RALGAPA1: variants seen among roughly 807,000 people sequenced by gnomAD.
The protein encoded by RALGAPA1 is Ral GTPase activating protein catalytic subunit alpha 1, also known as ral GTPase-activating protein subunit alpha-1.
RALGAPA1 carries 52 observed loss-of-function variants against 269.6 expected under a neutral mutation model. The observed-to-expected ratio is 0.19, with a 90% CI of 0.15 to 0.24. The LOEUF is 0.24. RALGAPA1 is among the 10% of genes least tolerant of loss of function. The probability of loss-of-function intolerance (pLI) is 1.00; values close to 1 mark genes in which losing one functional copy is unlikely to be tolerated. For synonymous variants in RALGAPA1, 817 were observed against 1,008.3 expected, an observed-to-expected ratio of 0.81 and a Z score of 3.60; for missense variants, 1,917 against 3,013.9, an observed-to-expected ratio of 0.64 and a Z score of 8.52.
At chr14:35,779,075 ATATT>A (rs2075257510) in intron 1 of RALGAPA1, among the ~76,000 whole-genome samples, 1 of 152,198 alleles carries the variant, frequency 6.6e-6, no homozygotes, top group Admixed American at 6.6e-5. Flanking sequence ...AGAATACTAA[ATATT>A]TATCTATTAT....
intron 27 of RALGAPA1, among the ~76,000 whole-genome samples, chr14:35,659,769 G>A (rs184781165): frequency 2.0e-5 from 3 of 151,964 alleles, no homozygotes; most frequent in Non-Finnish European, 4.4e-5. Context: ...CATTAAAAAG[G>A]TCACATGCCA....
At chr14:35,769,132 G>GA (rs1175359112) in intron 4 of RALGAPA1, among the ~76,000 whole-genome samples, 1 of 126,694 alleles carries the variant, frequency 7.9e-6, no homozygotes, top group Non-Finnish European at 1.7e-5. Flanking sequence ...AAAGTATAAA[G>GA]AAAATCAATG....
chr14:35,793,462 G>T (rs1474843011), intron 1 of RALGAPA1, among the ~76,000 whole-genome samples: 3 of 151,950 alleles, frequency 2.0e-5, no homozygotes, highest in South Asian at 4.1e-4. Context: ...TCGAACTCCT[G>T]ACCTCAGCTG....
chr14:35,808,599 G>C (rs1302010276), intron 1 of RALGAPA1, 131 bp downstream of exon 1: 1 of 896,242 alleles, frequency 1.1e-6, no homozygotes. Context: ...TCACCCTCCC[G>C]CGTCTCCGCA....
At position 35,688,532 on chromosome 14, in the gene RALGAPA1, G is replaced by T; in HGVS notation, c.3879C>A (p.Asn1293Lys). 1 of 1,536,090 alleles carries T rather than the reference G, an allele frequency of 6.5e-7. No individual in the cohort carries two copies. Among genetic ancestry groups the T allele is most frequent in the South Asian group, 1.2e-5 (1 of 84,064 alleles). The change falls in exon 18 of 42, where the codon AAC becomes AAA. Residue 1293 changes from asparagine (N) to lysine (K), a missense_variant. Physicochemically the swap from Asn to Lys is moderately conservative, Grantham distance 94 (BLOSUM62 0). This residue lies in a region of RALGAPA1 where 615 missense variants were observed against 790.0 expected (regional missense o/e 0.78). Coordinates refer to ENST00000680220, the MANE Select transcript of RALGAPA1 (RefSeq NM_001346249.2). Reference sequence around the variant, plus strand: ...TCAGTGGAGCCTCTGGTGGCATTCTGTTCTGCCTCTGTGGGGAAACATTTG... The same window carrying T: ...TCAGTGGAGCCTCTGGTGGCATTCTTTTCTGCCTCTGTGGGGAAACATTTG... ...PKANVSPQRQ[N>K]RMPPEAPLRD...
chr14:35,608,847 C>A (rs1400775153), intron 35 of RALGAPA1, among the ~76,000 whole-genome samples: 2 of 152,120 alleles, frequency 1.3e-5, no homozygotes, highest in African/African-American at 4.8e-5. Context: ...CCGGACCTAC[C>A]TGACATCTAC....
At chr14:35,609,221 C>T (rs951679147) in intron 35 of RALGAPA1, among the ~76,000 whole-genome samples, 6 of 148,730 alleles carry the variant, frequency 4.0e-5, no homozygotes, top group South Asian at 2.1e-4. Flanking sequence ...AGCGACACTC[C>T]GTCTCAAAAA....
At chr14:35,570,068 G>A (rs2057052892) in intron 39 of RALGAPA1, among the ~76,000 whole-genome samples, 1 of 151,624 alleles carries the variant, frequency 6.6e-6, no homozygotes, top group African/African-American at 2.4e-5. Flanking sequence ...TCAGGAGTTC[G>A]AGACCAGCCT....
intron 1 of RALGAPA1, among the ~76,000 whole-genome samples, chr14:35,797,351 C>CAAAAAAAAAAAAAAAAAAAA (rs530576211): frequency 2.7e-4 from 16 of 60,088 alleles, no homozygotes; most frequent in African/African-American, 4.6e-4. Flanking sequence ...GACTCCGTCT[C>CAAAAAAAAAAAAAAAAAAAA]AAAAAAAAAA....
intron 28 of RALGAPA1, among the ~76,000 whole-genome samples, chr14:35,657,379 G>A (rs1042412269): frequency 1.3e-5 from 2 of 149,842 alleles, no homozygotes; most frequent in African/African-American, 2.5e-5. Context: ...TAGTAGAGAC[G>A]TGGTTTCACC....
chr14:35,808,749 C>T lies in RALGAPA1; in HGVS notation c.87G>A (p.Lys29=). Reference sequence around the variant, plus strand: ...CCTCACCGATGACGATGCGCAGGTGCTTGAGGCGAGTCAGTGCGTCCTTCT... The same window carrying T: ...CCTCACCGATGACGATGCGCAGGTGTTTGAGGCGAGTCAGTGCGTCCTTCT... The part of the protein sequence containing the change: ...DTKKDALTRL[K]HLRIVIENAE... The change falls in exon 1 of 42, where the codon AAG becomes AAA. Residue 29 remains lysine (K), a synonymous_variant. Transcript: ENST00000680220. 1 of 1,613,172 alleles carries T rather than the reference C, an allele frequency of 6.2e-7. No individual in the cohort carries two copies. The highest frequency in any genetic ancestry group is 1.7e-4 in the Middle Eastern group (1 of 6,052).
chr14:35,790,462 C>T (rs143929376), intron 1 of RALGAPA1, among the ~76,000 whole-genome samples: 6,134 of 151,344 alleles, frequency 0.041, 359 homozygotes, highest in African/African-American at 0.12. Context: ...CCAAGGCGGG[C>T]GGATCACTTG....
intron 1 of RALGAPA1, among the ~76,000 whole-genome samples, chr14:35,780,922 T>C (rs2075379995): frequency 6.6e-6 from 1 of 152,162 alleles, no homozygotes; most frequent in Non-Finnish European, 1.5e-5. Flanking sequence ...TGAGACTCCA[T>C]TTCTACAAAG....
At chr14:35,761,903 C>G (rs1595464399) in intron 5 of RALGAPA1, among the ~76,000 whole-genome samples, 1 of 152,292 alleles carries the variant, frequency 6.6e-6, no homozygotes, top group Non-Finnish European at 1.5e-5. Flanking sequence ...CTTTTATACC[C>G]AAGCCATGAT....
At chr14:35,792,172 T>C (rs1271281268) in intron 1 of RALGAPA1, among the ~76,000 whole-genome samples, 1 of 152,052 alleles carries the variant, frequency 6.6e-6, no homozygotes, top group Non-Finnish European at 1.5e-5. Context: ...TTTTGGTTTT[T>C]TTGAGACAGA....
intron 12 of RALGAPA1, among the ~76,000 whole-genome samples, chr14:35,733,069 A>G (rs2070655837): frequency 1.3e-5 from 2 of 152,352 alleles, no homozygotes; most frequent in South Asian, 4.1e-4. Flanking sequence ...CCACAATGGA[A>G]TAAAACTGGA....
intron 16 of RALGAPA1, among the ~76,000 whole-genome samples, chr14:35,711,060 TTAGC>T (rs1273273763): frequency 6.6e-6 from 1 of 152,262 alleles, no homozygotes; most frequent in Non-Finnish European, 1.5e-5. Flanking sequence ...TTGATTAATG[TTAGC>T]ATAGTATACC....
intron 27 of RALGAPA1, among the ~76,000 whole-genome samples, chr14:35,662,640 A>G (rs1319154730): frequency 6.6e-6 from 1 of 152,160 alleles, no homozygotes; most frequent in Middle Eastern, 3.2e-3. Flanking sequence ...TGAAATGCAG[A>G]TGCGGATAGT....
At chr14:35,781,946 T>C (rs1476868162) in intron 1 of RALGAPA1, among the ~76,000 whole-genome samples, 1 of 152,210 alleles carries the variant, frequency 6.6e-6, no homozygotes, top group Non-Finnish European at 1.5e-5. Flanking sequence ...TTGTTACTTT[T>C]ATTTAATATT....
Sources: allele counts gnomAD v4.1 joint callset (sites outside exome capture counted in the v4.1 genomes callset), GRCh38; gene constraint gnomAD v4.1.1; regional missense constraint gnomAD v4.1.1; transcripts MANE v1.5; gene names NCBI Gene and HGNC (gene_info 2026-07-23, HGNC 2026-07-21).